PDE1A: variants seen among roughly 807,000 people sequenced by gnomAD.
The protein encoded by PDE1A is phosphodiesterase 1A.
In PDE1A, 35 loss-of-function variants were observed where a neutral mutation model predicts 61.7. That is an observed-to-expected ratio of 0.57 (90% CI 0.43 to 0.75). The LOEUF (loss-of-function observed/expected upper bound fraction) is 0.75. Among genes scored for constraint, PDE1A ranks in the 30% least tolerant of loss-of-function variants. The pLI, the probability that PDE1A is intolerant of heterozygous loss-of-function variation, is 0.00. For missense variants in PDE1A, 597 were observed against 630.6 expected (o/e 0.95, Z 0.57); for synonymous variants, 232 against 213.2 (o/e 1.09, Z -0.77).
chr2:182,695,255 A>G, the PDE1A span, among the ~76,000 whole-genome samples: 1 of 152,118 alleles, frequency 6.6e-6, no homozygotes, highest in Non-Finnish European at 1.5e-5. Flanking sequence ...AAGAGAAGAG[A>G]GGTCAGAGGG....
intron 4 of PDE1A, among the ~76,000 whole-genome samples, chr2:182,233,775 C>CCACA (rs4018725): frequency 1.9e-4 from 28 of 147,290 alleles, no homozygotes; most frequent in African/African-American, 5.7e-4. Flanking sequence ...CACATGAACA[C>CCACA]CACACACACA....
chr2:182,676,721 C>A, the PDE1A span, among the ~76,000 whole-genome samples: 1 of 152,144 alleles, frequency 6.6e-6, no homozygotes, highest in African/African-American at 2.4e-5. Flanking sequence ...CCACCATGAG[C>A]AAGTAGGCTT....
chr2:182,443,000 G>A (rs1211980994), intron 2 of PDE1A, among the ~76,000 whole-genome samples: 3 of 151,916 alleles, frequency 2.0e-5, no homozygotes, highest in Non-Finnish European at 4.4e-5. Flanking sequence ...TGAATATGTT[G>A]AGTAATAAAC....
intron 12 of PDE1A, 104 bp from the exon 13 acceptor site, chr2:182,186,183 G>T: frequency 8.2e-7 from 1 of 1,214,078 alleles, no homozygotes; most frequent in South Asian, 1.5e-5. Flanking sequence ...CAGGATAGTA[G>T]ATGCTCAGTC....
At chr2:182,302,494 C>G (rs1364484102) in intron 1 of PDE1A, among the ~76,000 whole-genome samples, 5 of 152,162 alleles carry the variant, frequency 3.3e-5, no homozygotes, top group Non-Finnish European at 7.3e-5. Flanking sequence ...TACTTCATTA[C>G]TAAAAAATGC....
chr2:182,650,289 C>A, the PDE1A span, among the ~76,000 whole-genome samples: 4 of 152,072 alleles, frequency 2.6e-5, no homozygotes, highest in African/African-American at 9.7e-5. Flanking sequence ...TTTTAAAAAC[C>A]TACTAACAAG....
chr2:182,380,706 C>T (rs985644102), intron 1 of PDE1A, among the ~76,000 whole-genome samples: 2 of 151,990 alleles, frequency 1.3e-5, no homozygotes, highest in Non-Finnish European at 2.9e-5. Context: ...AAAATTATTT[C>T]TTCAACTTTA....
At chr2:182,254,827 T>A (rs929365933) in intron 2 of PDE1A, among the ~76,000 whole-genome samples, 7 of 152,124 alleles carry the variant, frequency 4.6e-5, no homozygotes, top group Admixed American at 4.6e-4. Flanking sequence ...CAGTTGTGGT[T>A]TGAGAAAGCA....
At chr2:182,476,242 G>A (rs1373695974) in intron 2 of PDE1A, among the ~76,000 whole-genome samples, 1 of 151,854 alleles carries the variant, frequency 6.6e-6, no homozygotes, top group Admixed American at 6.6e-5. Context: ...TGTAATCCCA[G>A]CACTTTGGGA....
intron 1 of PDE1A, among the ~76,000 whole-genome samples, chr2:182,370,112 G>T (rs1422998456): frequency 1.3e-5 from 2 of 152,072 alleles, no homozygotes; most frequent in African/African-American, 4.8e-5. Flanking sequence ...GGTAGGCAGA[G>T]GTTGCAGTGA....
At chr2:182,589,815 T>C in the PDE1A span, among the ~76,000 whole-genome samples, 24 of 152,338 alleles carry the variant, frequency 1.6e-4, no homozygotes, top group African/African-American at 5.8e-4. Context: ...CCCACAAGCC[T>C]GGTCAATGGA....
chr2:182,486,074 A>G (rs1157239688), intron 2 of PDE1A, among the ~76,000 whole-genome samples: 1 of 152,076 alleles, frequency 6.6e-6, no homozygotes, highest in Non-Finnish European at 1.5e-5. Flanking sequence ...TATAAAAGGA[A>G]GACAGACTAG....
the PDE1A span, among the ~76,000 whole-genome samples, chr2:182,635,332 C>G: frequency 6.6e-6 from 1 of 151,940 alleles, no homozygotes; most frequent in African/African-American, 2.4e-5. Context: ...CTATCGCCTT[C>G]CCAGTAACAA....
chr2:182,463,390 A>G (rs2125775083), intron 2 of PDE1A, among the ~76,000 whole-genome samples: 1 of 152,334 alleles, frequency 6.6e-6, no homozygotes, highest in South Asian at 2.1e-4. Flanking sequence ...CAGTATTCAC[A>G]GCACAACAAA....
chr2:182,465,933 A>G (rs936978727), intron 2 of PDE1A, among the ~76,000 whole-genome samples: 1 of 152,122 alleles, frequency 6.6e-6, no homozygotes, highest in Non-Finnish European at 1.5e-5. Flanking sequence ...GTAGTATTCA[A>G]AAAATATTTG....
chr2:182,295,849 C>T lies in PDE1A; in HGVS notation c.54-31435G>A, dbSNP rs567504668. On this transcript the variant is annotated intron_variant, in intron 1 of 13. Transcript: ENST00000351439. ...CCTGGATGTTGTTAACTATTGATTCCTTATAAGGAAAAGAAATTAGAATTT... is the reference window on the plus strand; with the variant it reads ...CCTGGATGTTGTTAACTATTGATTCTTTATAAGGAAAAGAAATTAGAATTT... Among the ~76,000 whole-genome samples the T allele has an allele frequency of 4.6e-5, 7 of 152,042 alleles. No individual in the cohort carries two copies. The East Asian group carries it at 1.4e-3, about 29-fold the overall frequency.
At chr2:182,448,606 C>T (rs896222894) in intron 2 of PDE1A, among the ~76,000 whole-genome samples, 2 of 152,094 alleles carry the variant, frequency 1.3e-5, no homozygotes, top group South Asian at 2.1e-4. Flanking sequence ...GTTCTTTCCA[C>T]ATTATATCCA....
intron 2 of PDE1A, among the ~76,000 whole-genome samples, chr2:182,241,515 T>C (rs1169485851): frequency 6.6e-6 from 1 of 151,790 alleles, no homozygotes; most frequent in East Asian, 1.9e-4. Context: ...AAACAGGAGG[T>C]CTCCACAAAG....
At chr2:182,577,486 T>C in the PDE1A span, among the ~76,000 whole-genome samples, 5 of 152,324 alleles carry the variant, frequency 3.3e-5, no homozygotes, top group Admixed American at 3.3e-4. Flanking sequence ...ACATGTGAAC[T>C]GCTTAGAAAC....
Sources: allele counts gnomAD v4.1 joint callset (sites outside exome capture counted in the v4.1 genomes callset), GRCh38; gene constraint gnomAD v4.1.1; transcripts MANE v1.5; gene names NCBI Gene and HGNC (gene_info 2026-07-23, HGNC 2026-07-21).